DGKB: variants seen among roughly 807,000 people sequenced by gnomAD.
DGKB encodes the protein diacylglycerol kinase beta.
In DGKB, 67 loss-of-function variants were observed where a neutral mutation model predicts 114.3. The ratio of observed to expected loss-of-function variants is 0.59; its 90% CI spans 0.48 to 0.72. The LOEUF is 0.72. Among genes scored for constraint, DGKB ranks in the 30% least tolerant of loss-of-function variants. DGKB has a pLI of 0.00. For missense variants in DGKB, 907 were observed against 975.2 expected, an observed-to-expected ratio of 0.93 and a Z score of 0.93; for synonymous variants, 398 against 323.1, an observed-to-expected ratio of 1.23 and a Z score of -2.49.
chr7:14,480,524 T>C (rs1584273937), intron 20 of DGKB, among the ~76,000 whole-genome samples: 2 of 151,990 alleles, frequency 1.3e-5, no homozygotes, highest in Non-Finnish European at 2.9e-5. Flanking sequence ...TGCAACACTA[T>C]CCAGCAGCCA....
At chr7:14,912,412 A>G (rs937427843) in intron 1 of DGKB, among the ~76,000 whole-genome samples, 3 of 152,270 alleles carry the variant, frequency 2.0e-5, no homozygotes, top group African/African-American at 7.2e-5. Flanking sequence ...TCAAGCAACA[A>G]TGAAACATTT....
intron 4 of DGKB, among the ~76,000 whole-genome samples, chr7:14,750,480 A>G (rs979853304): frequency 1.3e-5 from 2 of 152,056 alleles, no homozygotes; most frequent in African/African-American, 4.8e-5. Flanking sequence ...GTATACCTGA[A>G]ATGTGTTCAA....
At chr7:14,685,001 T>C (rs1166678006) in intron 10 of DGKB, among the ~76,000 whole-genome samples, 1 of 152,076 alleles carries the variant, frequency 6.6e-6, no homozygotes, top group Non-Finnish European at 1.5e-5. Context: ...TAAACTACAG[T>C]GGAAAGAAAA....
At chr7:14,605,707 G>C (rs949043236) in intron 17 of DGKB, among the ~76,000 whole-genome samples, 1 of 151,902 alleles carries the variant, frequency 6.6e-6, no homozygotes, top group African/African-American at 2.4e-5. Flanking sequence ...AGTGAGATGA[G>C]AGAACAGGGC....
chr7:14,575,106 C>T (rs1003167952), intron 19 of DGKB, among the ~76,000 whole-genome samples: 3 of 152,122 alleles, frequency 2.0e-5, no homozygotes, highest in African/African-American at 2.4e-5. Context: ...GCCTGGGTGA[C>T]AGAGTAATAT....
chr7:14,172,443 G>A (rs1022768713), intron 25 of DGKB, among the ~76,000 whole-genome samples: 28 of 152,104 alleles, frequency 1.8e-4, no homozygotes, highest in African/African-American at 6.8e-4. Flanking sequence ...AATAGGGAGA[G>A]AAAGAAAGGA....
chr7:14,321,419 T>C (rs1585123348), intron 23 of DGKB, among the ~76,000 whole-genome samples: 1 of 152,034 alleles, frequency 6.6e-6, no homozygotes, highest in East Asian at 1.9e-4. Context: ...ACATAGTAAA[T>C]TTGAAATAAA....
At chr7:14,837,125 A>G (rs1404850375) in intron 2 of DGKB, among the ~76,000 whole-genome samples, 3 of 152,326 alleles carry the variant, frequency 2.0e-5, no homozygotes, top group East Asian at 3.9e-4. Context: ...TTTTCCATAT[A>G]AAACACAGAT....
chr7:14,198,546 C>T (rs1785353388), intron 23 of DGKB, among the ~76,000 whole-genome samples: 1 of 151,982 alleles, frequency 6.6e-6, no homozygotes, highest in Admixed American at 6.6e-5. Context: ...AGAAGAGAAA[C>T]CCATGGCTTA....
chr7:14,274,967 G>T (rs1459563014), intron 23 of DGKB, among the ~76,000 whole-genome samples: 8 of 146,452 alleles, frequency 5.5e-5, no homozygotes, highest in African/African-American at 1.5e-4. Flanking sequence ...GTGTGTGTGT[G>T]TGTGTGTTTG....
chr7:14,320,155 G>T lies in DGKB; in HGVS notation c.2122+18360C>A, dbSNP rs186345717. 1.7e-3 allele frequency among the ~76,000 whole-genome samples: 262 copies of T among 152,266 alleles called. 1 individual carries two copies. The Middle Eastern group carries it at 0.031, about 18-fold the overall frequency. ...CTAAGAGTCATAGGTGGGAGCTGAG[G>T]GGGAGGCGGGGGTCCAGCAGTGGTG... On this transcript the variant is annotated intron_variant, in intron 23 of 25. Coordinates refer to ENST00000402815, the MANE Select transcript of DGKB (RefSeq NM_001350709.2).
intron 21 of DGKB, among the ~76,000 whole-genome samples, chr7:14,420,210 G>A (rs2128762187): frequency 6.6e-6 from 1 of 151,516 alleles, no homozygotes; most frequent in African/African-American, 2.4e-5. Context: ...GTTTATATAT[G>A]TATTCTGTTT....
intron 1 of DGKB, among the ~76,000 whole-genome samples, chr7:14,945,876 T>C (rs970232615): frequency 4.6e-5 from 7 of 151,654 alleles, no homozygotes; most frequent in African/African-American, 1.4e-4. Context: ...AAAAATTTTA[T>C]TTATAGTAGA....
At chr7:14,852,329 T>G (rs1417046005) in intron 1 of DGKB, among the ~76,000 whole-genome samples, 1 of 151,590 alleles carries the variant, frequency 6.6e-6, no homozygotes, top group Non-Finnish European at 1.5e-5. Flanking sequence ...AATTTACCAT[T>G]CTTACATTAT....
intron 21 of DGKB, among the ~76,000 whole-genome samples, chr7:14,358,526 G>A (rs181381684): frequency 1.4e-3 from 220 of 152,074 alleles, no homozygotes; most frequent in Middle Eastern, 6.8e-3. Flanking sequence ...CCCTGTTTGC[G>A]GATGACATGA....
chr7:14,502,646 G>A (rs538388270), intron 20 of DGKB, among the ~76,000 whole-genome samples: 1 of 152,050 alleles, frequency 6.6e-6, no homozygotes, highest in Non-Finnish European at 1.5e-5. Flanking sequence ...TAGAAATATA[G>A]AGATCGCAAA....
At chr7:14,342,873 C>A (rs1583297931) in intron 22 of DGKB, among the ~76,000 whole-genome samples, 1 of 151,712 alleles carries the variant, frequency 6.6e-6, no homozygotes, top group South Asian at 2.1e-4. Context: ...AAAAGACACA[C>A]AAAAGATAGT....
At chr7:14,689,070 G>C (rs12334082) in intron 9 of DGKB, among the ~76,000 whole-genome samples, 2 of 151,466 alleles carry the variant, frequency 1.3e-5, no homozygotes, top group East Asian at 3.9e-4. Context: ...CTTATATAGA[G>C]AGAGAGAGGA....
chr7:14,193,014 T>G (rs1784520368), intron 23 of DGKB, among the ~76,000 whole-genome samples: 1 of 152,046 alleles, frequency 6.6e-6, no homozygotes, highest in Non-Finnish European at 1.5e-5. Context: ...GAGTCTGAGC[T>G]CAGGCGGTAA....
Sources: gnomAD v4.1 joint callset for allele counts (sites outside exome capture counted in the v4.1 genomes callset) on GRCh38, gnomAD v4.1.1 for gene constraint, MANE v1.5 for transcripts, NCBI Gene and HGNC (gene_info 2026-07-23, HGNC 2026-07-21) for gene names.